Variants in ERN2 observed in about 807,000 individuals in gnomAD.
ERN2 encodes the protein endoplasmic reticulum to nucleus signaling 2, also known as serine/threonine-protein kinase/endoribonuclease IRE2.
ERN2 carries 111 observed loss-of-function variants against 107.9 expected under a neutral mutation model. The ratio of observed to expected loss-of-function variants is 1.03; its 90% CI spans 0.88 to 1.20. The LOEUF (loss-of-function observed/expected upper bound fraction) is 1.20. Among genes scored for constraint, ERN2 ranks in the 50% most tolerant of loss-of-function variants. The pLI, the probability that ERN2 is intolerant of heterozygous loss-of-function variation, is 0.00. For missense variants in ERN2, 1,225 were observed against 1,197.9 expected (o/e 1.02, Z -0.33); for synonymous variants, 524 against 501.7 (o/e 1.04, Z -0.59).
In ERN2 at chr16:23,695,197, C is replaced by T. The variant is rs1959757851; in HGVS notation, c.1800+3G>A. 3 of 1,613,956 alleles carry T rather than the reference C, an allele frequency of 1.9e-6. No individual in the cohort carries two copies. Among genetic ancestry groups the T allele is most frequent in the African/African-American group, 1.3e-5 (1 of 75,060 alleles). Reference sequence around the variant, plus strand: ...ACCCTCCCTGAACCGCAATGCAACTCACCTCCTGCAAGGAGGCCCGGCAGA... The same window carrying T: ...ACCCTCCCTGAACCGCAATGCAACTTACCTCCTGCAAGGAGGCCCGGCAGA... On this transcript the variant is annotated splice_donor_region_variant and intron_variant, in intron 15 of 21. Coordinates refer to ENST00000256797, the MANE Select transcript of ERN2 (RefSeq NM_033266.4).
chr16:23,697,368 C>T (rs1959872816), intron 13 of ERN2: 2 of 152,080 alleles, frequency 1.3e-5, no homozygotes, highest in African/African-American at 4.8e-5. Context: ...TCAGGCAGGG[C>T]CTTGCTGGAA....
chr16:23,712,002 C>T (rs1196376331), intron 1 of ERN2: 1 of 452,340 alleles, frequency 2.2e-6, no homozygotes, highest in African/African-American at 2.0e-5. Flanking sequence ...TCACCTGCTC[C>T]AGTCCCTCCT....
At position 23,695,057 on chromosome 16, in the gene ERN2, A is replaced by G; in HGVS notation, c.1862T>C (p.Leu621Pro). 1 of 1,613,730 alleles carries G rather than the reference A, an allele frequency of 6.2e-7. No homozygotes were observed. Among genetic ancestry groups the G allele is most frequent in the Non-Finnish European group, 8.5e-7 (1 of 1,179,844 alleles). Residue 621 changes from leucine (L) to proline (P), a missense_variant, in exon 16 of 22, where the codon CTG becomes CCG. By Grantham distance (98) the Leu-to-Pro change is moderately conservative (BLOSUM62 -3). Coordinates refer to ENST00000256797, the MANE Select transcript of ERN2 (RefSeq NM_033266.4). ...GTGCAGGTGGGCCAGGCCAGACATC[A>G]GCTGCTGCAGCACGACCTCGGGCTC... is the stretch of plus-strand genomic sequence containing the variant. ...GLEPEVVLQQ[L>P]MSGLAHLHSL...
intron 2 of ERN2, 108 bp from the exon 3 acceptor site, chr16:23,710,657 G>A: frequency 1.1e-5 from 14 of 1,296,160 alleles, no homozygotes; most frequent in Admixed American, 1.7e-5. Flanking sequence ...AGCACTTGGT[G>A]TGAATGTAAT....
intron 4 of ERN2, among the ~76,000 whole-genome samples, chr16:23,707,552 GAA>G (rs201293492): frequency 6.2e-5 from 9 of 146,128 alleles, no homozygotes; most frequent in East Asian, 2.0e-4. Flanking sequence ...CGTCTCTACA[GAA>G]AAAAAAAAAA....
At position 23,704,797 on chromosome 16, in the gene ERN2, C is replaced by T. The variant is rs897025040; in HGVS notation, c.854+86G>A. 5 of 1,436,612 alleles carry T rather than the reference C, an allele frequency of 3.5e-6. No individual in the cohort carries two copies. In the African/African-American group the frequency reaches 7.0e-5, roughly 20 times the overall value. The allele number at this position is 1,436,612 out of a possible 1,614,324, so 89.0% of individuals were successfully genotyped here. On this transcript the variant is annotated intron_variant, in intron 8 of 21. Coordinates refer to ENST00000256797, the MANE Select transcript of ERN2 (RefSeq NM_033266.4). ...CTGGTTCAGCGGTACTGGTGTGTCA[C>T]AGCTGAACATCTCGCCTGGCCATCA...
In ERN2 at chr16:23,692,329, G is replaced by A; in HGVS notation, c.2103C>T (p.Thr701=). The change falls in exon 18 of 22, where the codon ACC becomes ACT. Residue 701 remains threonine, a splice_region_variant and synonymous_variant. Coordinates refer to ENST00000256797, the MANE Select transcript of ERN2 (RefSeq NM_033266.4). ...LLQLLPPDSP[T]SAVDIFSAGC... ...CTGCAGAGAAGATGTCCACAGCGCT[G>A]GTCTGGAGCCAGAGAGATGGGCATG... 6.2e-7 allele frequency: 1 copy of A among 1,612,506 alleles called. No homozygotes were observed. Among genetic ancestry groups the A allele is most frequent in the Non-Finnish European group, 8.5e-7 (1 of 1,180,002 alleles).
intron 14 of ERN2, 106 bp from the exon 15 acceptor site, chr16:23,695,495 G>C (rs1959778097): frequency 2.5e-5 from 28 of 1,126,864 alleles, no homozygotes; most frequent in Non-Finnish European, 3.3e-5. Flanking sequence ...GGAGGCCAAG[G>C]CGGGCGGGTC....
chr16:23,702,006 C>T (rs1960088308), intron 11 of ERN2, 146 bp downstream of exon 11: 1 of 792,016 alleles, frequency 1.3e-6, no homozygotes, highest in Non-Finnish European at 2.0e-6. Flanking sequence ...TTGTGTTGTT[C>T]CCAACAAAAA....
rs750087049 is a variant in ERN2, at chr16:23,702,631, G to T, written c.926C>A (p.Ala309Asp). Residue 309 changes from alanine (A) to aspartate (D), a missense_variant, in exon 9 of 22, where the codon GCC (alanine) becomes GAC (aspartate). Physicochemically the swap from Ala to Asp is moderately radical, Grantham distance 126 (BLOSUM62 -2). Coordinates refer to ENST00000256797, the MANE Select transcript of ERN2 (RefSeq NM_033266.4). ...TCAGAGACCACTTCTTACCACCAGG[G>T]CCACTCCTGTGTGGACCAGTGCTTT... ...VSKALVHTGV[A>D]LVPRGLTLAP... 1 of 1,614,092 alleles carries T rather than the reference G, an allele frequency of 6.2e-7. No individual in the cohort carries two copies. Among genetic ancestry groups the T allele is most frequent in the East Asian group, 2.2e-5 (1 of 44,884 alleles).
At chr16:23,698,476 GCATCCA>G (rs1004927965) in intron 13 of ERN2, among the ~76,000 whole-genome samples, 6 of 152,224 alleles carry the variant, frequency 3.9e-5, no homozygotes, top group African/African-American at 1.4e-4. Flanking sequence ...AGGCTGGATT[GCATCCA>G]CTTGTTATTG....
intron 17 of ERN2, among the ~76,000 whole-genome samples, chr16:23,694,428 T>C (rs117893269): frequency 1.3e-5 from 2 of 152,358 alleles, no homozygotes; most frequent in East Asian, 3.9e-4. Flanking sequence ...GGTGTTGTCC[T>C]GTCCTGTAAG....
Position 23,690,923 on chromosome 16 carries a change from T to C in ERN2, c.2689A>G (p.Met897Val). Residue 897 changes from methionine (M) to valine (V), a missense_variant, in exon 22 of 22, where the codon ATG becomes GTG. By Grantham distance (21) the Met-to-Val change is conservative. Coordinates refer to ENST00000256797, the MANE Select transcript of ERN2 (RefSeq NM_033266.4). ...PRLLLHTHRAMRSCASESLFL... is the reference protein window; with the variant it reads ...PRLLLHTHRAVRSCASESLFL... Reference sequence around the variant, plus strand: ...AGGCTCTCAGAGGCGCAGCTCCTCATGGCTCGGTGCGTGTGGAGGAGCAGC... The same window carrying C: ...AGGCTCTCAGAGGCGCAGCTCCTCACGGCTCGGTGCGTGTGGAGGAGCAGC... 1 of 1,614,056 alleles carries C rather than the reference T, an allele frequency of 6.2e-7. No individual in the cohort carries two copies.
At chr16:23,705,654 C>T (rs752777846) in intron 7 of ERN2, among the ~76,000 whole-genome samples, 1 of 152,010 alleles carries the variant, frequency 6.6e-6, no homozygotes, top group African/African-American at 2.4e-5. Context: ...GGCTTATGCT[C>T]GTAATCCCAG....
chr16:23,691,249 C>A (rs200230413), intron 20 of ERN2, 53 bp from the exon 21 acceptor site: 1 of 1,612,284 alleles, frequency 6.2e-7, no homozygotes, highest in Non-Finnish European at 8.5e-7. Flanking sequence ...TCCCCTCCAC[C>A]GCCCAGGCCC....
rs769131333 is a variant in ERN2 at position 23,713,177 on chromosome 16, G to A, written c.11C>T (p.Ala4Val). ...GGGCCACGGCCTCGACCCCCTGACCGCACTCGCCATAGCGCCTGGGCAGCT... is the reference window on the plus strand; with the variant it reads ...GGGCCACGGCCTCGACCCCCTGACCACACTCGCCATAGCGCCTGGGCAGCT... MAS[A>V]VRGSRPWPRL... is the part of the protein sequence containing the mutation. The change falls in exon 1 of 22, where the codon GCG becomes GTG. Residue 4 changes from alanine (A) to valine (V), a missense_variant. By Grantham distance (64) the Ala-to-Val change is moderately conservative. Coordinates refer to ENST00000256797, the MANE Select transcript of ERN2 (RefSeq NM_033266.4). 7 of 1,576,408 alleles carry A rather than the reference G, an allele frequency of 4.4e-6. No homozygotes were observed. The Admixed American group carries it at 7.1e-5, about 16-fold the overall frequency.
At chr16:23,697,484 C>A (rs879828255) in intron 13 of ERN2, among the ~76,000 whole-genome samples, 1 of 152,102 alleles carries the variant, frequency 6.6e-6, no homozygotes, top group Non-Finnish European at 1.5e-5. Flanking sequence ...CCCTTCTGGG[C>A]CCTCTTTGTG....
chr16:23,713,021 G>C (rs1960603944), intron 1 of ERN2, 74 bp downstream of exon 1: 6 of 1,203,186 alleles, frequency 5.0e-6, no homozygotes, highest in Non-Finnish European at 6.6e-6. Context: ...CCGCGCCCTC[G>C]CCCCAAGTGC....
rs559670598 is a variant in ERN2, at chr16:23,691,981, C to A, written c.2358G>T (p.Lys786Asn). ...LAHPFFWSRA[K>N]QLQFFQDVSD... ...TTCTGACCTGGAAGAACTGGAGTTGCTTGGCTCTGCTCCAAAAGAAGGGGT... is the reference window on the plus strand; with the variant it reads ...TTCTGACCTGGAAGAACTGGAGTTGATTGGCTCTGCTCCAAAAGAAGGGGT... The change falls in exon 19 of 22, where the codon AAG becomes AAT. Residue 786 changes from lysine to asparagine, a missense_variant. By Grantham distance (94) the Lys-to-Asn change is moderately conservative (BLOSUM62 0). Transcript: ENST00000256797. The A allele has an allele frequency of 6.2e-7, 1 of 1,613,300 alleles. No homozygotes were observed. Among genetic ancestry groups the A allele is most frequent in the East Asian group, 2.2e-5 (1 of 44,870 alleles).
Sources: allele counts gnomAD v4.1 joint callset (sites outside exome capture counted in the v4.1 genomes callset), GRCh38; gene constraint gnomAD v4.1.1; transcripts MANE v1.5; gene names NCBI Gene and HGNC (gene_info 2026-07-23, HGNC 2026-07-21).